KLHL32: variants seen among roughly 807,000 people sequenced by gnomAD.
KLHL32 encodes kelch-like protein 32.
KLHL32 carries 35 observed loss-of-function variants against 64.8 expected under a neutral mutation model. The observed-to-expected ratio is 0.54, with a 90% CI of 0.41 to 0.72. The LOEUF is 0.72. Among genes scored for constraint, KLHL32 ranks in the 30% least tolerant of loss-of-function variants. The pLI is 0.00. For missense variants in KLHL32, 589 were observed against 768.5 expected (o/e 0.77, Z 2.76); for synonymous variants, 259 against 281.0 (o/e 0.92, Z 0.78).
At chr6:97,022,807 C>T (rs1175652134) in intron 3 of KLHL32, among the ~76,000 whole-genome samples, 1 of 152,110 alleles carries the variant, frequency 6.6e-6, no homozygotes, top group Non-Finnish European at 1.5e-5. Context: ...TGTATTAGTT[C>T]ATTTTCATAC....
At chr6:97,133,867 T>G (rs1261319583) in intron 10 of KLHL32, among the ~76,000 whole-genome samples, 1 of 152,196 alleles carries the variant, frequency 6.6e-6, no homozygotes, top group Admixed American at 6.5e-5. Flanking sequence ...AAAGACTGTA[T>G]TTTTCTTAGC....
intron 6 of KLHL32, among the ~76,000 whole-genome samples, chr6:97,090,019 G>A (rs940313928): frequency 5.9e-5 from 9 of 152,080 alleles, no homozygotes; most frequent in Admixed American, 2.0e-4. Context: ...CTATTTTAGT[G>A]TGGCAAAGAG....
intron 10 of KLHL32, among the ~76,000 whole-genome samples, chr6:97,137,021 A>C (rs970486034): frequency 6.6e-6 from 1 of 152,160 alleles, no homozygotes; most frequent in African/African-American, 2.4e-5. Flanking sequence ...TTCCGGTATC[A>C]ATTTTCTTCT....
intron 1 of KLHL32, among the ~76,000 whole-genome samples, chr6:96,953,848 A>T (rs1200441785): frequency 4.1e-5 from 5 of 122,904 alleles, no homozygotes; most frequent in Admixed American, 8.5e-5. Context: ...TTTCATTAAT[A>T]GTTGTCTTTT....
chr6:97,090,853 A>G (rs917035466), intron 6 of KLHL32, among the ~76,000 whole-genome samples: 1 of 152,244 alleles, frequency 6.6e-6, no homozygotes, highest in Non-Finnish European at 1.5e-5. Flanking sequence ...CTAAATTTGT[A>G]ATAGAAGCTC....
the KLHL32 span, among the ~76,000 whole-genome samples, chr6:96,902,093 G>A: frequency 1.3e-5 from 2 of 152,136 alleles, no homozygotes; most frequent in African/African-American, 2.4e-5. Context: ...ATTCCTTTGA[G>A]TATATACCCA....
chr6:96,951,685 T>A (rs1772634876), intron 1 of KLHL32, among the ~76,000 whole-genome samples: 1 of 152,194 alleles, frequency 6.6e-6, no homozygotes, highest in Non-Finnish European at 1.5e-5. Flanking sequence ...GTCTCATAAA[T>A]CGCATTAGTT....
At chr6:97,114,625 A>G (rs1797628497) in intron 7 of KLHL32, 116 bp downstream of exon 7, 11 of 1,196,382 alleles carry the variant, frequency 9.2e-6, no homozygotes, top group Admixed American at 1.8e-5. Flanking sequence ...CAAGCATGCC[A>G]TTTTAGCTAA....
At chr6:97,083,283 G>A (rs533601766) in intron 5 of KLHL32, among the ~76,000 whole-genome samples, 9 of 152,230 alleles carry the variant, frequency 5.9e-5, no homozygotes, top group South Asian at 2.1e-4. Context: ...CCAGCTGCTC[G>A]GGAGGCTGAG....
chr6:97,061,901 T>C (rs1788974633), intron 4 of KLHL32, among the ~76,000 whole-genome samples: 1 of 152,140 alleles, frequency 6.6e-6, no homozygotes, highest in South Asian at 2.1e-4. Flanking sequence ...CAAAGCTGAA[T>C]CAAAAGCCTC....
At chr6:96,939,868 A>G (rs1771074532) in intron 1 of KLHL32, among the ~76,000 whole-genome samples, 1 of 152,094 alleles carries the variant, frequency 6.6e-6, no homozygotes, top group African/African-American at 2.4e-5. Flanking sequence ...GAGTCCATTG[A>G]TCTGGTTCAG....
At chr6:97,037,784 A>G (rs757164258) in intron 3 of KLHL32, among the ~76,000 whole-genome samples, 2 of 152,238 alleles carry the variant, frequency 1.3e-5, no homozygotes, top group Non-Finnish European at 2.9e-5. Flanking sequence ...CTACAAAGCT[A>G]TAGTAACTAA....
intron 10 of KLHL32, 80 bp from the exon 11 acceptor site, chr6:97,139,041 A>G: frequency 7.4e-7 from 1 of 1,346,332 alleles, no homozygotes. Flanking sequence ...ATTTAAGTTC[A>G]GAATTTCTTT....
chr6:97,137,792 G>A (rs1374671227), intron 10 of KLHL32, among the ~76,000 whole-genome samples: 1 of 152,036 alleles, frequency 6.6e-6, no homozygotes, highest in Non-Finnish European at 1.5e-5. Flanking sequence ...CCTGACTCCC[G>A]AAGTCCTGAG....
chr6:97,043,706 C>T (rs1582825562), intron 4 of KLHL32, among the ~76,000 whole-genome samples: 1 of 151,612 alleles, frequency 6.6e-6, no homozygotes, highest in South Asian at 2.1e-4. Context: ...TTTCTCCACA[C>T]CCTCATCAAT....
chr6:97,117,495 G>A (rs1339980393), intron 7 of KLHL32, among the ~76,000 whole-genome samples: 9 of 152,132 alleles, frequency 5.9e-5, no homozygotes, highest in Non-Finnish European at 1.3e-4. Flanking sequence ...TTTGGGGTCA[G>A]GAAATCTTGA....
chr6:97,132,011 T>C (rs1799493529), intron 9 of KLHL32, among the ~76,000 whole-genome samples: 1 of 152,172 alleles, frequency 6.6e-6, no homozygotes, highest in Admixed American at 6.5e-5. Context: ...TATGTGGTAG[T>C]GAGTTATTCT....
At chr6:96,966,893 A>T in intron 1 of KLHL32, 103 bp from the exon 2 acceptor site, 1 of 595,506 alleles carries the variant, frequency 1.7e-6, no homozygotes, top group Non-Finnish European at 3.1e-6. Context: ...AAAGCTCTCC[A>T]AGCTGTCTCC....
intron 3 of KLHL32, among the ~76,000 whole-genome samples, chr6:97,003,514 T>A (rs753360991): frequency 6.6e-6 from 1 of 152,138 alleles, no homozygotes; most frequent in Non-Finnish European, 1.5e-5. Context: ...CATTTATAAA[T>A]TTTTGGTTTT....
Sources: allele counts gnomAD v4.1 joint callset (sites outside exome capture counted in the v4.1 genomes callset), GRCh38; gene constraint gnomAD v4.1.1; transcripts MANE v1.5; gene names NCBI Gene and HGNC (gene_info 2026-07-23, HGNC 2026-07-21).